The following DES variants were observed in gnomAD, a reference collection of about 807,000 sequenced individuals.
DES encodes the protein cardiomyopathy, dilated 1F (autosomal dominant).
DES carries 34 observed loss-of-function variants against 55.1 expected under a neutral mutation model. The ratio of observed to expected loss-of-function variants is 0.62; its 90% CI spans 0.47 to 0.82. The LOEUF (loss-of-function observed/expected upper bound fraction) is 0.82, where lower values mean the gene tolerates loss of function less well. Among genes scored for constraint, DES ranks in the 40% least tolerant of loss-of-function variants. The pLI is 0.00. For synonymous variants in DES, 259 were observed against 270.8 expected (o/e 0.96, Z 0.43); for missense variants, 596 against 645.9 (o/e 0.92, Z 0.84).
At chr2:219,421,585 G>C in intron 6 of DES, 25 bp downstream of exon 6, 1 of 1,609,890 alleles carries the variant, frequency 6.2e-7, no homozygotes, top group Non-Finnish European at 8.5e-7. Context: ...AGGAGCCCGA[G>C]TGGGAGGTGC....
chr2:219,420,391 A>G lies in DES; in HGVS notation c.735+45A>G. The G allele has an allele frequency of 1.2e-6, 2 of 1,612,762 alleles. No individual in the cohort carries two copies. The highest frequency in any genetic ancestry group is 1.7e-6 in the Non-Finnish European group (2 of 1,179,432). On this transcript the variant is annotated intron_variant, in intron 3 of 8. Transcript: ENST00000373960. The surrounding 1 kb of genome is among the most constrained non-coding windows in gnomAD (Gnocchi z 6.0). ...CCTGGGGTCACTGGGCCATGGGGAA[A>G]GCAGCCGGAAAGTGGGGTTGGGGTG...
At position 219,419,138 on chromosome 2, in the gene DES, G is replaced by A. The variant is rs958109286; in HGVS notation, c.578+98G>A. ...CCGCTGTCAGCACCTGCCTTCTCCC[G>A]GGGCCCGGGACCCTCTCCTGCCCCA... is the stretch of plus-strand genomic sequence containing the variant. On this transcript the variant is annotated intron_variant, in intron 1 of 8. Coordinates refer to ENST00000373960, the MANE Select transcript of DES (RefSeq NM_001927.4). This position sits in a 1 kb window ranked among gnomAD's most constrained non-coding sequence, Gnocchi z 4.3. The A allele has an allele frequency of 4.6e-6, 7 of 1,528,224 alleles. No homozygotes were observed. Among genetic ancestry groups the A allele is most frequent in the South Asian group, 2.4e-5 (2 of 83,138 alleles). The allele number at this position is 1,528,224 out of a possible 1,614,324, so 94.7% of individuals were successfully genotyped here. A position where few individuals can be genotyped will look rare whatever the true frequency, so the allele number is the denominator to read the frequency against.
rs1462181924 is a variant in DES, at chr2:219,420,088, C to T, written c.579-7C>T. On this transcript the variant is annotated splice_polypyrimidine_tract_variant and splice_region_variant and intron_variant, in intron 1 of 8. Transcript: ENST00000373960. This position sits in a 1 kb window ranked among gnomAD's most constrained non-coding sequence, Gnocchi z 6.0. The stretch of plus-strand genomic sequence containing the variant: ...CAACTGTCTGTCTTTCTGTCTGTCC[C>T]ACCCAGGCTGCAGGAGGAGATTCAG... 4 of 1,614,122 alleles carry T rather than the reference C, an allele frequency of 2.5e-6. No individual in the cohort carries two copies. The highest frequency in any genetic ancestry group is 3.4e-6 in the Non-Finnish European group (4 of 1,180,012).
chr2:219,423,930 G>C, intron 7 of DES, 110 bp downstream of exon 7: 1 of 1,255,200 alleles, frequency 8.0e-7, no homozygotes, highest in Non-Finnish European at 1.2e-6. Context: ...GCTAGGGACA[G>C]ACCTGGAGTC....
At position 219,418,658 on chromosome 2, in the gene DES, C is replaced by A. The variant is rs1320380570; in HGVS notation, c.196C>A (p.Leu66Met). 11 of 1,588,966 alleles carry A rather than the reference C, an allele frequency of 6.9e-6. No individual in the cohort carries two copies. Among genetic ancestry groups the A allele is most frequent in the Admixed American group, 1.8e-5 (1 of 56,278 alleles). ...VSRTSGGAGG[L>M]GSLRASRLGT... ...GCGCACGTCGGGCGGGGCCGGGGGC[C>A]TGGGGTCGCTGCGGGCCAGCCGGCT... Residue 66 changes from leucine to methionine, a missense_variant, in exon 1 of 9, where the codon CTG (leucine) becomes ATG (methionine). Transcript: ENST00000373960.
chr2:219,423,685 C>T lies in DES; in HGVS notation c.1245-92C>T, dbSNP rs568107904. ...CGATCTCCTGACCTGGTGATCCGCC[C>T]GCCTCGGCCTTTCAAAGTGCTGGGA... is the stretch of plus-strand genomic sequence containing the variant. On this transcript the variant is annotated intron_variant, in intron 6 of 8. Coordinates refer to ENST00000373960, the MANE Select transcript of DES (RefSeq NM_001927.4). The T allele has an allele frequency of 1.8e-4, 227 of 1,265,752 alleles. 2 individuals carry two copies. Among genetic ancestry groups the T allele is most frequent in the South Asian group, 1.7e-3 (144 of 83,620 alleles). The allele number at this position is 1,265,752 out of a possible 1,614,324, so 78.4% of individuals were successfully genotyped here. A position where few individuals can be genotyped will look rare whatever the true frequency, so the allele number is the denominator to read the frequency against.
intron 7 of DES, chr2:219,425,372 G>A: frequency 2.2e-6 from 1 of 447,516 alleles, no homozygotes; most frequent in Non-Finnish European, 4.2e-6. Flanking sequence ...GTGCTGTGCA[G>A]CCTGGGCCTC....
chr2:219,420,492 C>A lies in DES; in HGVS notation c.736-3C>A. ...GGGACTGAAGCCCAGTCATGCCCTA[C>A]AGGAGATCCGTGAGTTGCAGGCTCA... is the stretch of plus-strand genomic sequence containing the variant. On this transcript the variant is annotated splice_polypyrimidine_tract_variant and splice_region_variant and intron_variant, in intron 3 of 8. Transcript: ENST00000373960. This position sits in a 1 kb window ranked among gnomAD's most constrained non-coding sequence, Gnocchi z 6.0. 1 of 1,613,926 alleles carries A rather than the reference C, an allele frequency of 6.2e-7. No homozygotes were observed. Among genetic ancestry groups the A allele is most frequent in the Non-Finnish European group, 8.5e-7 (1 of 1,179,978 alleles).
rs754941710 is a variant in DES at position 219,420,650 on chromosome 2, G to A, written c.891G>A (p.Lys297=). The change falls in exon 4 of 9, where the codon AAG becomes AAA. Residue 297 remains lysine (K), a synonymous_variant. Transcript: ENST00000373960. This position sits in a 1 kb window ranked among gnomAD's most constrained non-coding sequence, Gnocchi z 6.0. ...TTTCTGAAGCTGAGGAGTGGTACAA[G>A]TCGAAGGTGGGTGGCCTCGCCCGGG... ...KNISEAEEWY[K]SKVSDLTQAA... The A allele has an allele frequency of 3.1e-6, 5 of 1,614,094 alleles. No individual in the cohort carries two copies. Among genetic ancestry groups the A allele is most frequent in the Middle Eastern group, 1.6e-4 (1 of 6,062 alleles).
intron 7 of DES, 107 bp from the exon 8 acceptor site, chr2:219,425,556 G>A: frequency 1.1e-6 from 1 of 926,724 alleles, no homozygotes; most frequent in African/African-American, 1.6e-5. Flanking sequence ...GAGGGGGGTT[G>A]GGGTCTGCTA....
chr2:219,425,262 G>T, intron 7 of DES: 1 of 257,526 alleles, frequency 3.9e-6, no homozygotes, highest in African/African-American at 2.2e-5. Context: ...CTGGGCTTTG[G>T]GGTTCTATCT....
intron 6 of DES, among the ~76,000 whole-genome samples, chr2:219,422,511 C>T (rs1290128492): frequency 1.6e-5 from 2 of 125,730 alleles, no homozygotes; most frequent in Non-Finnish European, 3.1e-5. Flanking sequence ...GTCACCCAGG[C>T]TGGAGTGCAG....
intron 5 of DES, 71 bp from the exon 6 acceptor site, chr2:219,421,269 A>G: frequency 6.4e-7 from 1 of 1,563,584 alleles, no homozygotes; most frequent in East Asian, 2.2e-5. Context: ...GTTGCCTGCC[A>G]GCCCCAAAGC....
At chr2:219,425,866 G>A in intron 8 of DES, 83 bp from the exon 9 acceptor site, 26 of 1,599,322 alleles carry the variant, frequency 1.6e-5, no homozygotes, top group Non-Finnish European at 2.0e-5. Flanking sequence ...GAGATCCTGC[G>A]GCCCTGGGGT....
chr2:219,425,454 A>C, intron 7 of DES: 1 of 590,844 alleles, frequency 1.7e-6, no homozygotes, highest in African/African-American at 1.9e-5. Context: ...CATCTAAACT[A>C]TGGGACAGGC....
Position 219,426,668 on chromosome 2 carries a change from TC to T in DES, c.*682del. ...CAGGCTGGTGGGAGGGGCGCCCACC[TC>T]CCCACGCCCTCCCCTCCCCTGCTGC... On this transcript the variant is annotated 3_prime_UTR_variant, in exon 9 of 9. Coordinates refer to ENST00000373960, the MANE Select transcript of DES (RefSeq NM_001927.4). The surrounding 1 kb of genome is among the most constrained non-coding windows in gnomAD (Gnocchi z 4.5). 1 of 154,920 alleles carries T rather than the reference TC, an allele frequency of 6.5e-6. No homozygotes were observed. The allele number at this position is 154,920 out of a possible 1,614,324, so 9.6% of individuals were successfully genotyped here.
In DES at chr2:219,421,533, G is replaced by A. The variant is rs1057520275; in HGVS notation, c.1217G>A (p.Arg406Gln). The change falls in exon 6 of 9, where the codon CGG (arginine) becomes CAG (glutamine). Residue 406 changes from arginine (R) to glutamine (Q), a missense_variant. Transcript: ENST00000373960. ...MALDVEIATY[R>Q]KLLEGEESRI... The stretch of plus-strand genomic sequence containing the variant: ...CTGGATGTGGAGATTGCCACCTACC[G>A]GAAGCTGCTGGAGGGAGAGGAGAGC... 3.1e-6 allele frequency: 5 copies of A among 1,613,940 alleles called. No individual in the cohort carries two copies. The African/African-American group carries it at 4.0e-5, about 13-fold the overall frequency.
At position 219,418,834 on chromosome 2, in the gene DES, G is replaced by A. The variant is rs34365369; in HGVS notation, c.372G>A (p.Glu124=). ...ELNDRFANYI[E]KVRFLEQQNA... ...ATGACCGCTTCGCCAACTACATCGA[G>A]AAGGTGCGCTTCCTGGAGCAGCAGA... The change falls in exon 1 of 9, where the codon GAG becomes GAA. Residue 124 remains glutamate, a synonymous_variant. Transcript: ENST00000373960. 5,646 of 1,583,166 alleles carry A rather than the reference G, an allele frequency of 3.6e-3. 169 individuals carry two copies. The African/African-American group carries it at 0.064, about 18-fold the overall frequency.
rs1457012198 is a variant in DES at position 219,418,950 on chromosome 2, G to C, written c.488G>C (p.Arg163Pro). 5.8e-6 allele frequency: 9 copies of C among 1,555,460 alleles called. No homozygotes were observed. Among genetic ancestry groups the C allele is most frequent in the Non-Finnish European group, 7.0e-6 (8 of 1,149,688 alleles). Reference protein sequence around the residue: ...ELYEEELRELRRQVEVLTNQR... With the variant: ...ELYEEELRELPRQVEVLTNQR... ...TACGAGGAGGAGCTGCGGGAGCTGC[G>C]GCGCCAGGTGGAGGTGCTCACTAAC... The change falls in exon 1 of 9, where the codon CGG (arginine) becomes CCG (proline). Residue 163 changes from arginine to proline, a missense_variant. Physicochemically the swap from Arg to Pro is moderately radical, Grantham distance 103. Coordinates refer to ENST00000373960, the MANE Select transcript of DES (RefSeq NM_001927.4).
Sources: allele counts gnomAD v4.1 joint callset (sites outside exome capture counted in the v4.1 genomes callset), GRCh38; gene constraint gnomAD v4.1.1; non-coding constraint Gnocchi (gnomAD v3.1); transcripts MANE v1.5; gene names NCBI Gene and HGNC (gene_info 2026-07-23, HGNC 2026-07-21).